Variants in GRIK1 observed in about 807,000 individuals in gnomAD.
GRIK1 encodes the protein glutamate ionotropic receptor kainate type subunit 1, also known as glutamate receptor ionotropic, kainate 1.
GRIK1 carries 69 observed loss-of-function variants against 105.7 expected under a neutral mutation model. That is an observed-to-expected ratio of 0.65 (90% CI 0.54 to 0.80). GRIK1 has a LOEUF of 0.80. GRIK1 is among the 30% of genes least tolerant of loss of function. GRIK1 has a pLI of 0.00. For missense variants in GRIK1, 1,109 were observed against 1,167.3 expected (o/e 0.95, Z 0.73); for synonymous variants, 438 against 431.3 (o/e 1.02, Z -0.19).
rs1268700392 is a variant in GRIK1, at chr21:29,560,515, CCTTCCTTTCTTT to C, written c.2356+1097_2356+1108del. Reference sequence around the variant, plus strand: ...TCTTTCTTTCCTTCCTTCCTTCCTTCCTTCCTTTCTTTCTTTCTTTCTTTCTTTCTTTCTTTC... The same window carrying C: ...TCTTTCTTTCCTTCCTTCCTTCCTTCCTTTCTTTCTTTCTTTCTTTCTTTC... On this transcript the variant is annotated intron_variant, in intron 15 of 17. Transcript: ENST00000327783. Among the ~76,000 whole-genome samples, 81 of 50,244 alleles carry C rather than the reference CCTTCCTTTCTTT, an allele frequency of 1.6e-3. 1 individual carries two copies. Among genetic ancestry groups the C allele is most frequent in the Admixed American group, 2.7e-3 (11 of 4,082 alleles). 33.0% of individuals were successfully genotyped at this position (50,244 alleles called of 152,430 possible).
chr21:29,704,035 T>C (rs895520866), intron 1 of GRIK1, among the ~76,000 whole-genome samples: 7 of 152,182 alleles, frequency 4.6e-5, no homozygotes, highest in Non-Finnish European at 7.3e-5. Flanking sequence ...GTTTAGTAAA[T>C]ACTATTAGTA....
intron 15 of GRIK1, among the ~76,000 whole-genome samples, chr21:29,556,861 T>C (rs1383603959): frequency 1.3e-5 from 2 of 152,224 alleles, no homozygotes; most frequent in Non-Finnish European, 2.9e-5. Flanking sequence ...TAACATTGAA[T>C]GTGTAAGCCA....
chr21:29,906,931 G>C (rs1241083182), intron 1 of GRIK1, among the ~76,000 whole-genome samples: 1 of 151,412 alleles, frequency 6.6e-6, no homozygotes, highest in Admixed American at 6.6e-5. Context: ...ATTTAAAACT[G>C]AACAAACAAT....
chr21:29,927,972 G>C (rs1424668930), intron 1 of GRIK1, among the ~76,000 whole-genome samples: 2 of 152,072 alleles, frequency 1.3e-5, no homozygotes, highest in African/African-American at 4.8e-5. Context: ...ACGACATAGA[G>C]AGAAAGAGAC....
At chr21:29,712,208 T>A (rs2064072696) in intron 1 of GRIK1, among the ~76,000 whole-genome samples, 1 of 152,028 alleles carries the variant, frequency 6.6e-6, no homozygotes, top group Admixed American at 6.6e-5. Context: ...TGTTATTTAA[T>A]ATTTACTCAA....
At chr21:29,565,484 G>A (rs2090591334) in intron 14 of GRIK1, among the ~76,000 whole-genome samples, 1 of 152,226 alleles carries the variant, frequency 6.6e-6, no homozygotes, top group Non-Finnish European at 1.5e-5. Context: ...CCAGGTTAGA[G>A]TGCAATGGCA....
intron 1 of GRIK1, among the ~76,000 whole-genome samples, chr21:29,813,697 A>T (rs1466999729): frequency 6.6e-6 from 1 of 152,152 alleles, no homozygotes; most frequent in Non-Finnish European, 1.5e-5. Context: ...ACACCAAGGT[A>T]GCAATTCCTT....
chr21:29,564,620 C>T (rs1381864422), intron 14 of GRIK1, among the ~76,000 whole-genome samples: 1 of 152,096 alleles, frequency 6.6e-6, no homozygotes, highest in Non-Finnish European at 1.5e-5. Flanking sequence ...AAGGATGACA[C>T]GATTCAACTC....
At chr21:29,904,628 G>C (rs569582701) in intron 1 of GRIK1, among the ~76,000 whole-genome samples, 1 of 152,276 alleles carries the variant, frequency 6.6e-6, no homozygotes, top group Admixed American at 6.5e-5. Context: ...ACATGTGCTA[G>C]TCTCTTTTTA....
At chr21:29,909,092 A>AT (rs1360169610) in intron 1 of GRIK1, among the ~76,000 whole-genome samples, 2 of 152,106 alleles carry the variant, frequency 1.3e-5, no homozygotes, top group Non-Finnish European at 2.9e-5. Context: ...TTGTATGCCC[A>AT]TTTTCAAAGA....
At chr21:29,679,322 G>C (rs1323161601) in intron 3 of GRIK1, among the ~76,000 whole-genome samples, 1 of 152,126 alleles carries the variant, frequency 6.6e-6, no homozygotes, top group Non-Finnish European at 1.5e-5. Flanking sequence ...AAATCTCATG[G>C]CTGTGATGTG....
At chr21:29,921,934 A>T (rs534442843) in intron 1 of GRIK1, among the ~76,000 whole-genome samples, 1 of 152,284 alleles carries the variant, frequency 6.6e-6, no homozygotes, top group Non-Finnish European at 1.5e-5. Context: ...TTTTGCAGGT[A>T]AGTAGATTTA....
intron 1 of GRIK1, among the ~76,000 whole-genome samples, chr21:29,836,856 G>A (rs937717457): frequency 1.3e-5 from 2 of 152,144 alleles, no homozygotes; most frequent in African/African-American, 4.8e-5. Context: ...CTATTAAAAT[G>A]GGGGCTGAGA....
At chr21:29,559,315 C>G (rs2090335688) in intron 15 of GRIK1, among the ~76,000 whole-genome samples, 1 of 152,124 alleles carries the variant, frequency 6.6e-6, no homozygotes, top group Admixed American at 6.6e-5. Context: ...GGTGGTGAAG[C>G]TTGCTTGGGG....
intron 1 of GRIK1, among the ~76,000 whole-genome samples, chr21:29,906,854 T>G (rs2070657305): frequency 6.6e-6 from 1 of 152,134 alleles, no homozygotes; most frequent in Non-Finnish European, 1.5e-5. Flanking sequence ...AATAATTCCT[T>G]AGGACTAACT....
chr21:29,908,170 G>A (rs1175520402), intron 1 of GRIK1, among the ~76,000 whole-genome samples: 1 of 151,928 alleles, frequency 6.6e-6, no homozygotes, highest in Admixed American at 6.6e-5. Flanking sequence ...AAAAAAAGAG[G>A]AAAAACAGAA....
intron 1 of GRIK1, among the ~76,000 whole-genome samples, chr21:29,821,714 G>C (rs148040360): frequency 6.6e-6 from 1 of 151,928 alleles, no homozygotes; most frequent in East Asian, 1.9e-4. Context: ...TACATTTCTC[G>C]CTATTGCAAA....
At chr21:29,700,909 A>C (rs755996223) in intron 1 of GRIK1, among the ~76,000 whole-genome samples, 18 of 152,332 alleles carry the variant, frequency 1.2e-4, no homozygotes, top group South Asian at 2.1e-4. Context: ...AACAAAAAAA[A>C]CACAGGAAAA....
intron 7 of GRIK1, chr21:29,630,455 G>T (rs894870996): frequency 2.2e-6 from 1 of 464,952 alleles, no homozygotes; most frequent in African/African-American, 2.0e-5. Flanking sequence ...CGATTATCCT[G>T]CAGGGGAGGG....
Sources: allele counts gnomAD v4.1 joint callset (sites outside exome capture counted in the v4.1 genomes callset), GRCh38; gene constraint gnomAD v4.1.1; transcripts MANE v1.5; gene names NCBI Gene and HGNC (gene_info 2026-07-23, HGNC 2026-07-21).